Variants in ARMH3 observed in about 807,000 individuals in gnomAD.
The protein encoded by ARMH3 is armadillo like helical domain containing 3.
ARMH3 carries 60 observed loss-of-function variants against 99.1 expected under a neutral mutation model. The observed-to-expected ratio is 0.61, with a 90% CI of 0.49 to 0.75. The LOEUF (loss-of-function observed/expected upper bound fraction) is 0.75. Among genes scored for constraint, ARMH3 ranks in the 30% least tolerant of loss-of-function variants. The pLI is 0.00. For missense variants in ARMH3, 679 were observed against 843.1 expected (o/e 0.81, Z 2.41); for synonymous variants, 285 against 292.8 (o/e 0.97, Z 0.27).
chr10:102,009,862 CAA>C (rs552283831), intron 12 of ARMH3, 113 bp downstream of exon 12: 1 of 1,090,372 alleles, frequency 9.2e-7, no homozygotes, highest in East Asian at 2.4e-5. Context: ...TGAAAATCAC[CAA>C]AAAAGTATGA....
At chr10:102,043,477 C>G (rs80200333) in intron 1 of ARMH3, among the ~76,000 whole-genome samples, 4,155 of 152,294 alleles carry the variant, frequency 0.027, 101 homozygotes, top group Middle Eastern at 0.048. Flanking sequence ...TCTCTGGGAG[C>G]TCATAATCTA....
intron 22 of ARMH3, among the ~76,000 whole-genome samples, chr10:101,948,333 T>C (rs982120039): frequency 3.9e-5 from 6 of 152,172 alleles, no homozygotes; most frequent in Non-Finnish European, 7.3e-5. Flanking sequence ...TGAGGATGTA[T>C]TGCACTATGA....
intron 24 of ARMH3, among the ~76,000 whole-genome samples, chr10:101,868,242 G>C (rs1322458070): frequency 6.6e-6 from 1 of 152,156 alleles, no homozygotes; most frequent in African/African-American, 2.4e-5. Flanking sequence ...ATAGGAAGAA[G>C]ACATAGAAGA....
intron 23 of ARMH3, among the ~76,000 whole-genome samples, chr10:101,916,601 ACTTACC>A (rs1461223694): frequency 6.6e-6 from 1 of 152,120 alleles, no homozygotes; most frequent in Non-Finnish European, 1.5e-5. Flanking sequence ...ATACAGCAAA[ACTTACC>A]CTTTTTAGTG....
At chr10:101,999,317 A>G (rs1398339070) in intron 15 of ARMH3, among the ~76,000 whole-genome samples, 7 of 151,756 alleles carry the variant, frequency 4.6e-5, no homozygotes, top group Admixed American at 4.6e-4. Context: ...TCAGCCTCCC[A>G]AGCAGCTGAG....
chr10:101,850,822 G>A (rs1259679399), intron 24 of ARMH3, among the ~76,000 whole-genome samples: 2 of 152,158 alleles, frequency 1.3e-5, no homozygotes, highest in Admixed American at 1.3e-4. Flanking sequence ...CATGAGAAGA[G>A]GTTACAGAAC....
intron 23 of ARMH3, among the ~76,000 whole-genome samples, chr10:101,893,531 C>T (rs2067744011): frequency 6.6e-6 from 1 of 151,948 alleles, no homozygotes; most frequent in Non-Finnish European, 1.5e-5. Context: ...TGTTAGCAGC[C>T]ACCGGGGCAA....
chr10:101,951,491 T>C (rs558169052), intron 22 of ARMH3, among the ~76,000 whole-genome samples: 3 of 152,276 alleles, frequency 2.0e-5, no homozygotes, highest in African/African-American at 7.2e-5. Context: ...GAGGACTGCT[T>C]GAGCCCTGAA....
intron 20 of ARMH3, among the ~76,000 whole-genome samples, chr10:101,972,634 C>T (rs1167656049): frequency 6.6e-6 from 1 of 152,184 alleles, no homozygotes; most frequent in Non-Finnish European, 1.5e-5. Flanking sequence ...CATGTGACTG[C>T]ATAGGATGCA....
intron 8 of ARMH3, among the ~76,000 whole-genome samples, chr10:102,019,052 T>C (rs1295249996): frequency 2.0e-5 from 3 of 152,162 alleles, no homozygotes; most frequent in African/African-American, 7.2e-5. Flanking sequence ...TTTACTATAC[T>C]ATACTTTTTT....
Position 102,010,031 on chromosome 10 carries a change from A to C in ARMH3, c.832-8T>G, listed in dbSNP as rs2066596441. 6.2e-7 allele frequency: 1 copy of C among 1,613,680 alleles called. No individual in the cohort carries two copies. Among genetic ancestry groups the C allele is most frequent in the Non-Finnish European group, 8.5e-7 (1 of 1,179,660 alleles). On this transcript the variant is annotated splice_region_variant and splice_polypyrimidine_tract_variant and intron_variant, in intron 11 of 25. Coordinates refer to ENST00000370033, the MANE Select transcript of ARMH3 (RefSeq NM_024541.3). ...TATGAACATGCTGCCCACCTGTGGAAGAAAAGGGGAATTGCAAACTTATAG... is the reference window on the plus strand; with the variant it reads ...TATGAACATGCTGCCCACCTGTGGACGAAAAGGGGAATTGCAAACTTATAG...
chr10:102,015,684 C>G (rs2066732311), intron 8 of ARMH3, among the ~76,000 whole-genome samples: 1 of 152,188 alleles, frequency 6.6e-6, no homozygotes, highest in African/African-American at 2.4e-5. Flanking sequence ...GCCACTGCAC[C>G]CAGCCTGTTT....
At chr10:101,983,240 G>A (rs1846311035) in intron 19 of ARMH3, among the ~76,000 whole-genome samples, 1 of 152,134 alleles carries the variant, frequency 6.6e-6, no homozygotes, top group Non-Finnish European at 1.5e-5. Context: ...GAGAAGAGGG[G>A]CTGAAGGTTA....
intron 24 of ARMH3, among the ~76,000 whole-genome samples, chr10:101,882,841 A>AAAT (rs1162463878): frequency 6.6e-6 from 1 of 152,212 alleles, no homozygotes; most frequent in Admixed American, 6.5e-5. Context: ...GTGATTCTTA[A>AAAT]AATGTTGTAA....
At chr10:101,866,477 A>T (rs1237060477) in intron 24 of ARMH3, among the ~76,000 whole-genome samples, 1 of 127,510 alleles carries the variant, frequency 7.8e-6, no homozygotes, top group Non-Finnish European at 1.8e-5. Flanking sequence ...GTGTAAGGAC[A>T]AGTGTAAAAA....
intron 20 of ARMH3, among the ~76,000 whole-genome samples, chr10:101,968,106 A>AGGTT (rs1564804161): frequency 7.9e-5 from 12 of 152,106 alleles, no homozygotes; most frequent in African/African-American, 2.9e-4. Flanking sequence ...AGACAATGCA[A>AGGTT]ACCTCACAAT....
intron 22 of ARMH3, among the ~76,000 whole-genome samples, chr10:101,946,887 A>G (rs920311277): frequency 1.4e-5 from 2 of 145,620 alleles, no homozygotes; most frequent in African/African-American, 5.0e-5. Context: ...AAAGATAAGG[A>G]AAAAAAAAAA....
chr10:101,968,110 T>A (rs1439211027), intron 20 of ARMH3, among the ~76,000 whole-genome samples: 1 of 151,966 alleles, frequency 6.6e-6, no homozygotes, highest in Non-Finnish European at 1.5e-5. Context: ...AATGCAAACC[T>A]CACAATTAGC....
At position 102,025,254 on chromosome 10, in the gene ARMH3, A is replaced by C; in HGVS notation, c.415-6T>G. 1 of 1,611,016 alleles carries C rather than the reference A, an allele frequency of 6.2e-7. No individual in the cohort carries two copies. Among genetic ancestry groups the C allele is most frequent in the Non-Finnish European group, 8.5e-7 (1 of 1,177,468 alleles). On this transcript the variant is annotated splice_polypyrimidine_tract_variant and splice_region_variant and intron_variant, in intron 5 of 25. Coordinates refer to ENST00000370033, the MANE Select transcript of ARMH3 (RefSeq NM_024541.3). ...TCCAAACTCTCCATCAAGTTCTGAG[A>C]AAGAGAACCAATAAGCATTAAACCA...
Sources: gnomAD v4.1 joint callset for allele counts (sites outside exome capture counted in the v4.1 genomes callset) on GRCh38, gnomAD v4.1.1 for gene constraint, MANE v1.5 for transcripts, NCBI Gene and HGNC (gene_info 2026-07-23, HGNC 2026-07-21) for gene names.